The following RARB variants were observed in gnomAD, a reference collection of about 807,000 sequenced individuals.
RARB encodes HBV-activated protein.
Under a neutral mutation model 51.9 loss-of-function variants are expected in RARB, and 17 were observed. The ratio of observed to expected loss-of-function variants is 0.33; its 90% CI spans 0.22 to 0.49. RARB has a LOEUF of 0.49. Ranked by LOEUF, RARB falls within the 20% of genes least tolerant of loss-of-function variation. The probability of loss-of-function intolerance (pLI) is 0.99; values close to 1 mark genes in which losing one functional copy is unlikely to be tolerated. For missense variants in RARB, 369 were observed against 550.8 expected (o/e 0.67, Z 3.30); for synonymous variants, 215 against 195.4 (o/e 1.10, Z -0.84).
chr3:25,158,391 A>G (rs572433852), intron 4 of RARB, among the ~76,000 whole-genome samples: 8 of 152,326 alleles, frequency 5.3e-5, no homozygotes, highest in Admixed American at 2.0e-4. Flanking sequence ...TCTCCCATAA[A>G]TTCAAGTGAG....
At chr3:24,997,619 A>G (rs1471010159) in intron 2 of RARB, among the ~76,000 whole-genome samples, 2 of 152,122 alleles carry the variant, frequency 1.3e-5, no homozygotes, top group East Asian at 3.9e-4. Flanking sequence ...TCTTGACCTC[A>G]GGTGATCCAC....
chr3:25,181,843 G>A (rs574269053), intron 5 of RARB, among the ~76,000 whole-genome samples: 12 of 152,120 alleles, frequency 7.9e-5, no homozygotes, highest in Non-Finnish European at 1.5e-4. Context: ...TCATGTCACC[G>A]ATGGCAGTGC....
At chr3:25,266,831 A>G (rs545671220) in intron 5 of RARB, among the ~76,000 whole-genome samples, 2 of 152,338 alleles carry the variant, frequency 1.3e-5, no homozygotes, top group East Asian at 3.9e-4. Flanking sequence ...TCTGCAAGCC[A>G]GGAGAAGAGC....
chr3:25,483,003 A>G (rs1033319989), intron 2 of RARB, among the ~76,000 whole-genome samples: 2 of 152,236 alleles, frequency 1.3e-5, no homozygotes, highest in Non-Finnish European at 2.9e-5. Context: ...TAACTTTCAC[A>G]CTTCCAACAC....
intron 3 of RARB, among the ~76,000 whole-genome samples, chr3:25,558,470 C>G (rs1700144389): frequency 1.3e-5 from 2 of 151,508 alleles, no homozygotes; most frequent in Admixed American, 1.3e-4. Context: ...GCTTTCATCC[C>G]CGTATCCTTT....
chr3:24,996,256 T>C (rs1434880301), intron 2 of RARB, among the ~76,000 whole-genome samples: 2 of 152,092 alleles, frequency 1.3e-5, no homozygotes, highest in Middle Eastern at 3.2e-3. Flanking sequence ...TAGTTGTTTA[T>C]AGTAATCTTG....
intron 5 of RARB, among the ~76,000 whole-genome samples, chr3:25,326,749 G>A (rs1395566629): frequency 2.0e-5 from 3 of 151,868 alleles, no homozygotes; most frequent in African/African-American, 7.3e-5. Flanking sequence ...TCCTTTTATA[G>A]AAATGAAAAT....
intron 5 of RARB, among the ~76,000 whole-genome samples, chr3:25,284,850 G>A (rs1353855810): frequency 6.6e-6 from 1 of 152,188 alleles, no homozygotes; most frequent in South Asian, 2.1e-4. Flanking sequence ...CTAACATTTT[G>A]TATATGTGGG....
intron 5 of RARB, among the ~76,000 whole-genome samples, chr3:25,353,584 A>ATTTTTTTTTTTTTTTT (rs3035062): frequency 6.9e-6 from 1 of 144,914 alleles, no homozygotes; most frequent in Non-Finnish European, 1.5e-5. Flanking sequence ...TGCTGCTGAG[A>ATTTTTTTTTTTTTTTT]TTTTTTTTTT....
At chr3:25,367,552 A>C (rs114066786) in intron 5 of RARB, among the ~76,000 whole-genome samples, 4,540 of 152,036 alleles carry the variant, frequency 0.03, 161 homozygotes, top group African/African-American at 0.088. Flanking sequence ...ATGGTGGCTC[A>C]TACCTTTAAC....
chr3:24,893,257 C>A (rs1429746316), intron 2 of RARB, among the ~76,000 whole-genome samples: 3 of 152,160 alleles, frequency 2.0e-5, no homozygotes, highest in South Asian at 4.2e-4. Flanking sequence ...CATAATAGTC[C>A]CTGGGAGACA....
chr3:25,241,650 CT>C (rs775497271), intron 5 of RARB, among the ~76,000 whole-genome samples: 1 of 152,168 alleles, frequency 6.6e-6, no homozygotes, highest in Non-Finnish European at 1.5e-5. Flanking sequence ...TGAACTCATT[CT>C]TTTTTATGGC....
chr3:24,871,979 T>A (rs1475257616), intron 2 of RARB, among the ~76,000 whole-genome samples: 2 of 152,156 alleles, frequency 1.3e-5, no homozygotes, highest in African/African-American at 4.8e-5. Context: ...TCTCTTGACT[T>A]TGAAAAGGGG....
intron 5 of RARB, among the ~76,000 whole-genome samples, chr3:25,196,743 CTT>C (rs1232796429): frequency 6.6e-6 from 1 of 152,062 alleles, no homozygotes; most frequent in African/African-American, 2.4e-5. Context: ...TGTTTCCTGA[CTT>C]TTTAATGATC....
chr3:25,579,768 A>G (rs1575537528), intron 4 of RARB, among the ~76,000 whole-genome samples: 1 of 152,278 alleles, frequency 6.6e-6, no homozygotes, highest in Middle Eastern at 3.4e-3. Flanking sequence ...CACTTTGTGT[A>G]GTTTACCGTG....
intron 3 of RARB, among the ~76,000 whole-genome samples, chr3:25,511,968 G>A (rs1452382248): frequency 2.0e-5 from 3 of 152,172 alleles, no homozygotes; most frequent in Admixed American, 2.0e-4. Context: ...GGACTTAAGG[G>A]GGAGTCAGAT....
In RARB at chr3:25,375,200, C is replaced by T. The variant is rs897473486; in HGVS notation, c.179-85993C>T. On this transcript the variant is annotated intron_variant, in intron 5 of 11. Coordinates refer to the RARB transcript ENST00000383772. ...TATTCCACCTTTCAAAAATCATTAG[C>T]TTCAAACAAGGCAATAAATACAGGA... Among the ~76,000 whole-genome samples, 4 of 152,288 alleles carry T rather than the reference C, an allele frequency of 2.6e-5. No individual in the cohort carries two copies. The South Asian group carries it at 6.2e-4, about 24-fold the overall frequency.
intron 2 of RARB, among the ~76,000 whole-genome samples, chr3:24,965,315 A>G (rs781751268): frequency 2.0e-5 from 3 of 152,218 alleles, no homozygotes; most frequent in Non-Finnish European, 4.4e-5. Flanking sequence ...ATGCCACAGC[A>G]GAACAAAAAT....
At chr3:25,559,329 A>G (rs1434200325) in intron 3 of RARB, among the ~76,000 whole-genome samples, 1 of 152,146 alleles carries the variant, frequency 6.6e-6, no homozygotes, top group Non-Finnish European at 1.5e-5. Flanking sequence ...TCAGCTCAAG[A>G]TTCCTCTCTT....
Sources: allele counts gnomAD v4.1 joint callset (sites outside exome capture counted in the v4.1 genomes callset), GRCh38; gene constraint gnomAD v4.1.1; transcripts MANE v1.5; gene names NCBI Gene and HGNC (gene_info 2026-07-23, HGNC 2026-07-21).